The following ADGRB3 variants were observed in gnomAD, a reference collection of about 807,000 sequenced individuals.
ADGRB3 encodes the protein brain-specific angiogenesis inhibitor 3.
A neutral mutation model predicts 193.4 loss-of-function variants in ADGRB3; 37 were observed. The ratio of observed to expected loss-of-function variants is 0.19; its 90% CI spans 0.15 to 0.25. The LOEUF is 0.25. Ranked by LOEUF, ADGRB3 falls within the 10% of genes least tolerant of loss-of-function variation. The pLI is 1.00. For synonymous variants in ADGRB3, 690 were observed against 644.2 expected (o/e 1.07, Z -1.08); for missense variants, 1,637 against 1,852.9 (o/e 0.88, Z 2.14).
At chr6:69,029,131 T>C (rs1770533573) in intron 13 of ADGRB3, among the ~76,000 whole-genome samples, 1 of 152,206 alleles carries the variant, frequency 6.6e-6, no homozygotes, top group Non-Finnish European at 1.5e-5. Context: ...ACTTCTGTTA[T>C]ATAATGAACT....
At chr6:68,823,237 C>G (rs571551027) in intron 3 of ADGRB3, among the ~76,000 whole-genome samples, 28 of 152,032 alleles carry the variant, frequency 1.8e-4, no homozygotes, top group Non-Finnish European at 3.2e-4. Context: ...AGTAGGAACA[C>G]TTGTCATACT....
At chr6:68,969,027 T>C (rs1479032405) in intron 8 of ADGRB3, among the ~76,000 whole-genome samples, 3 of 152,072 alleles carry the variant, frequency 2.0e-5, no homozygotes, top group Admixed American at 6.6e-5. Context: ...TGGTATGTTA[T>C]TTCCCCAGTA....
intron 3 of ADGRB3, among the ~76,000 whole-genome samples, chr6:68,861,026 C>T (rs1203271570): frequency 2.6e-5 from 4 of 152,118 alleles, no homozygotes; most frequent in African/African-American, 7.2e-5. Context: ...CTATCTTGCA[C>T]CACAGATGGA....
chr6:69,216,166 C>T (rs1478470373), intron 17 of ADGRB3, among the ~76,000 whole-genome samples: 1 of 152,000 alleles, frequency 6.6e-6, no homozygotes, highest in Non-Finnish European at 1.5e-5. Flanking sequence ...TAGGTAGGCA[C>T]TTTATTTGTT....
chr6:68,698,930 AT>A (rs1765198138), intron 3 of ADGRB3, among the ~76,000 whole-genome samples: 1 of 151,828 alleles, frequency 6.6e-6, no homozygotes. Context: ...ATTTGTACAA[AT>A]TTTCCCAGGT....
chr6:69,274,379 C>G (rs1324448273), intron 20 of ADGRB3, among the ~76,000 whole-genome samples: 1 of 151,902 alleles, frequency 6.6e-6, no homozygotes, highest in East Asian at 1.9e-4. Context: ...ATTACCGAAG[C>G]AGCGGACAGC....
chr6:69,259,817 A>T (rs1766882518), intron 20 of ADGRB3, among the ~76,000 whole-genome samples: 1 of 152,134 alleles, frequency 6.6e-6, no homozygotes, highest in African/African-American at 2.4e-5. Context: ...TAATGGACTC[A>T]GATATAAAGA....
chr6:68,793,354 A>G (rs1002853980), intron 3 of ADGRB3, among the ~76,000 whole-genome samples: 4 of 152,140 alleles, frequency 2.6e-5, no homozygotes, highest in Admixed American at 2.0e-4. Context: ...ATGCTATTCT[A>G]CATCTTTTGT....
chr6:69,373,073 A>G (rs1769739885), intron 30 of ADGRB3, among the ~76,000 whole-genome samples: 1 of 152,050 alleles, frequency 6.6e-6, no homozygotes, highest in African/African-American at 2.4e-5. Flanking sequence ...CTGAAATCAT[A>G]CCATCTGAGG....
chr6:68,760,990 T>C (rs1409356846), intron 3 of ADGRB3, among the ~76,000 whole-genome samples: 1 of 152,248 alleles, frequency 6.6e-6, no homozygotes, highest in Non-Finnish European at 1.5e-5. Context: ...TTTTTAATGT[T>C]GTCTTCCAGT....
At chr6:68,790,201 C>T (rs761686922) in intron 3 of ADGRB3, among the ~76,000 whole-genome samples, 40 of 152,146 alleles carry the variant, frequency 2.6e-4, no homozygotes, top group Non-Finnish European at 4.9e-4. Context: ...TTCTGCCCAA[C>T]AGAGACAAAA....
At chr6:68,880,266 C>G (rs988314917) in intron 3 of ADGRB3, among the ~76,000 whole-genome samples, 7 of 152,092 alleles carry the variant, frequency 4.6e-5, no homozygotes, top group Admixed American at 3.9e-4. Flanking sequence ...GCTAGTAATT[C>G]CTGCAGTTAA....
intron 3 of ADGRB3, among the ~76,000 whole-genome samples, chr6:68,775,344 A>G (rs1032042887): frequency 6.6e-6 from 1 of 152,030 alleles, no homozygotes; most frequent in Non-Finnish European, 1.5e-5. Context: ...CCCGTGCACC[A>G]AGGGCCATGT....
At chr6:68,862,877 A>G (rs985225610) in intron 3 of ADGRB3, among the ~76,000 whole-genome samples, 2 of 152,118 alleles carry the variant, frequency 1.3e-5, no homozygotes, top group African/African-American at 4.8e-5. Context: ...ACCACAAATG[A>G]TCAAGATTTT....
chr6:68,673,066 A>G (rs1769006228), intron 3 of ADGRB3, among the ~76,000 whole-genome samples: 1 of 151,774 alleles, frequency 6.6e-6, no homozygotes, highest in Admixed American at 6.6e-5. Flanking sequence ...GTGTATACGT[A>G]TGTGTTTGTT....
chr6:68,928,802 A>C (rs1224602827), intron 3 of ADGRB3, among the ~76,000 whole-genome samples: 1 of 152,156 alleles, frequency 6.6e-6, no homozygotes, highest in East Asian at 1.9e-4. Context: ...CTCTGACATA[A>C]ATGCTGAAAA....
At position 68,833,367 on chromosome 6, in the gene ADGRB3, T is replaced by G. The variant is rs184058404; in HGVS notation, c.758-97192T>G. Among the ~76,000 whole-genome samples, 341 of 151,814 alleles carry G rather than the reference T, an allele frequency of 2.2e-3. 3 individuals are homozygous for G. The highest frequency in any genetic ancestry group is 7.7e-3 in the African/African-American group (320 of 41,526). ...AAGATATTACAAATATTATAGTTCTTTAATGTTATACTATTCTTGGTAATA... is the reference window on the plus strand; with the variant it reads ...AAGATATTACAAATATTATAGTTCTGTAATGTTATACTATTCTTGGTAATA... On this transcript the variant is annotated intron_variant, in intron 3 of 31. Coordinates refer to ENST00000370598, the MANE Select transcript of ADGRB3 (RefSeq NM_001704.3).
chr6:69,341,978 T>A (rs1768984441), intron 26 of ADGRB3, among the ~76,000 whole-genome samples: 1 of 152,284 alleles, frequency 6.6e-6, no homozygotes, highest in African/African-American at 2.4e-5. Context: ...CATCAAAATA[T>A]GCAGGTTTTA....
chr6:69,253,236 C>G (rs1766667118), intron 20 of ADGRB3, among the ~76,000 whole-genome samples: 1 of 151,994 alleles, frequency 6.6e-6, no homozygotes, highest in African/African-American at 2.4e-5. Context: ...TTCATTCTTC[C>G]TTTCCAATAT....
Sources: allele counts gnomAD v4.1 joint callset (sites outside exome capture counted in the v4.1 genomes callset), GRCh38; gene constraint gnomAD v4.1.1; transcripts MANE v1.5; gene names NCBI Gene and HGNC (gene_info 2026-07-23, HGNC 2026-07-21).